SEL1L3: variants seen among roughly 807,000 people sequenced by gnomAD.
The protein encoded by SEL1L3 is SEL1L family member 3.
A neutral mutation model predicts 142.8 loss-of-function variants in SEL1L3; 76 were observed. The observed-to-expected ratio is 0.53, with a 90% confidence interval of 0.44 to 0.64. SEL1L3 has a LOEUF of 0.64. Ranked by LOEUF, SEL1L3 falls within the 30% of genes least tolerant of loss-of-function variation. SEL1L3 has a pLI of 0.00. For missense variants in SEL1L3, 1,262 were observed against 1,381.7 expected (o/e 0.91, Z 1.37); for synonymous variants, 504 against 519.6 (o/e 0.97, Z 0.41).
chr4:25,791,346 A>G (rs1712322135), intron 11 of SEL1L3, among the ~76,000 whole-genome samples: 1 of 152,240 alleles, frequency 6.6e-6, no homozygotes, highest in African/African-American at 2.4e-5. Context: ...ACCCAAAGGG[A>G]AAGTTCACAA....
intron 9 of SEL1L3, among the ~76,000 whole-genome samples, chr4:25,816,911 TC>T (rs1714427811): frequency 6.6e-6 from 1 of 152,164 alleles, no homozygotes; most frequent in Non-Finnish European, 1.5e-5. Context: ...CAGTGTCTCC[TC>T]TTCCAGGAAG....
intron 11 of SEL1L3, among the ~76,000 whole-genome samples, chr4:25,794,003 A>G (rs1432638524): frequency 6.6e-6 from 1 of 152,244 alleles, no homozygotes; most frequent in African/African-American, 2.4e-5. Flanking sequence ...CCCCTTCCTT[A>G]TATGTTATAC....
chr4:25,723,629 A>G, the SEL1L3 span, among the ~76,000 whole-genome samples: 1 of 152,168 alleles, frequency 6.6e-6, no homozygotes, highest in African/African-American at 2.4e-5. Flanking sequence ...CTGATTTGCA[A>G]TGGTTCCTGT....
intron 6 of SEL1L3, among the ~76,000 whole-genome samples, chr4:25,825,804 A>G (rs902543098): frequency 2.0e-5 from 3 of 149,396 alleles, no homozygotes; most frequent in Non-Finnish European, 4.4e-5. Context: ...CCTCCCGAGT[A>G]GCTGGGAATA....
At chr4:25,756,467 A>T in intron 23 of SEL1L3, 1 of 985,288 alleles carries the variant, frequency 1.0e-6, no homozygotes, top group Non-Finnish European at 1.2e-6. Context: ...CATTTTGGTA[A>T]GTATCTTACG....
At chr4:25,745,115 C>T (rs1298232712), downstream of SEL1L3, among the ~76,000 whole-genome samples, 1 of 152,090 alleles carries the variant, frequency 6.6e-6, no homozygotes, top group Non-Finnish European at 1.5e-5. Context: ...CGAGGAAAGG[C>T]CAGGCGTGGT....
downstream of SEL1L3, among the ~76,000 whole-genome samples, chr4:25,742,544 C>T (rs12507838): frequency 0.41 from 62,095 of 151,922 alleles, 14,264 homozygotes; most frequent in East Asian, 0.67. Context: ...GATCTGCCTG[C>T]CTCAGCCTCT....
chr4:25,863,469 T>A, upstream of SEL1L3: 1 of 702,822 alleles, frequency 1.4e-6, no homozygotes, highest in South Asian at 1.5e-5. Flanking sequence ...TTCCCGCCCG[T>A]GCAATGGGTT....
intron 11 of SEL1L3, among the ~76,000 whole-genome samples, chr4:25,795,495 G>A (rs1033419837): frequency 5.3e-5 from 8 of 152,206 alleles, no homozygotes; most frequent in African/African-American, 1.9e-4. Context: ...ACAATTTAGG[G>A]AGCTCATCCT....
the SEL1L3 span, among the ~76,000 whole-genome samples, chr4:25,730,221 G>C: frequency 3.3e-5 from 5 of 152,130 alleles, no homozygotes; most frequent in African/African-American, 1.2e-4. Context: ...ACCGAGCCCG[G>C]CTACTGAATG....
At chr4:25,849,794 CA>C (rs1716765238) in intron 1 of SEL1L3, among the ~76,000 whole-genome samples, 1 of 152,036 alleles carries the variant, frequency 6.6e-6, no homozygotes, top group Non-Finnish European at 1.5e-5. Context: ...GCGGGAGAGG[CA>C]AAGATGGACA....
chr4:25,732,987 C>A, the SEL1L3 span, among the ~76,000 whole-genome samples: 24 of 152,074 alleles, frequency 1.6e-4, no homozygotes, highest in Non-Finnish European at 3.2e-4. Context: ...CTCAAGTGAT[C>A]TGCCCTCCTC....
intron 13 of SEL1L3, among the ~76,000 whole-genome samples, chr4:25,784,686 G>A (rs1175788093): frequency 1.3e-5 from 2 of 152,218 alleles, no homozygotes; most frequent in Non-Finnish European, 2.9e-5. Flanking sequence ...GAGTTACCAG[G>A]TTGTCGCTTG....
At position 25,755,677 on chromosome 4, in the gene SEL1L3, G is replaced by A. The variant is rs116178772; in HGVS notation, c.3259+1857C>T. ...AGAGACACGGAGACAAGAATGTGGA[G>A]AGACTGATAATGAAGGCATGGAGAC... is the stretch of plus-strand genomic sequence containing the variant. On this transcript the variant is annotated intron_variant, in intron 23 of 23. Transcript: ENST00000399878. Among the ~76,000 whole-genome samples the A allele has an allele frequency of 4.6e-3, 701 of 152,248 alleles. 4 individuals are homozygous for A. The highest frequency in any genetic ancestry group is 0.016 in the African/African-American group (655 of 41,534).
rs374222575 is a variant in SEL1L3 at position 25,835,189 on chromosome 4, A to T, written c.860+8T>A. ...CCCGATCAGCTCCCTTCTGCTACCC[A>T]TCCTTACACTGGGTAATCCATCCTC... On this transcript the variant is annotated splice_region_variant and intron_variant, in intron 3 of 23. Transcript: ENST00000399878. 6.2e-7 allele frequency: 1 copy of T among 1,613,668 alleles called. No homozygotes were observed. Among genetic ancestry groups the T allele is most frequent in the South Asian group, 1.1e-5 (1 of 91,028 alleles).
At chr4:25,801,347 G>A (rs1206321157) in intron 11 of SEL1L3, among the ~76,000 whole-genome samples, 1 of 152,350 alleles carries the variant, frequency 6.6e-6, no homozygotes, top group Admixed American at 6.5e-5. Flanking sequence ...AGGTTGCAGT[G>A]AGCCAAGATT....
At chr4:25,802,960 A>T (rs1577628599) in intron 10 of SEL1L3, among the ~76,000 whole-genome samples, 3 of 152,350 alleles carry the variant, frequency 2.0e-5, no homozygotes, top group Non-Finnish European at 2.9e-5. Context: ...AATGTCAAAT[A>T]GCTTAAAATG....
chr4:25,730,530 T>C, the SEL1L3 span, among the ~76,000 whole-genome samples: 4 of 152,090 alleles, frequency 2.6e-5, no homozygotes, highest in Non-Finnish European at 4.4e-5. Context: ...CCTCTGTAAG[T>C]AGATGTAAGG....
At chr4:25,730,632 A>G in the SEL1L3 span, among the ~76,000 whole-genome samples, 4 of 152,104 alleles carry the variant, frequency 2.6e-5, no homozygotes, top group Non-Finnish European at 4.4e-5. Flanking sequence ...TCTGCGCTCA[A>G]TAAACCTGTA....
Sources: allele counts gnomAD v4.1 joint callset (sites outside exome capture counted in the v4.1 genomes callset), GRCh38; gene constraint gnomAD v4.1.1; transcripts MANE v1.5; gene names NCBI Gene and HGNC (gene_info 2026-07-23, HGNC 2026-07-21).